Variants in SP5 observed in about 807,000 individuals in gnomAD.
SP5 encodes the protein Sp5 transcription factor.
Under a neutral mutation model 27.4 loss-of-function variants are expected in SP5, and 12 were observed. The ratio of observed to expected loss-of-function variants is 0.44; its 90% CI spans 0.28 to 0.71. The LOEUF (loss-of-function observed/expected upper bound fraction) is 0.71, where lower values mean the gene tolerates loss of function less well. Ranked by LOEUF, SP5 falls within the 30% of genes least tolerant of loss-of-function variation. The probability of loss-of-function intolerance (pLI) is 0.15; values close to 1 mark genes in which losing one functional copy is unlikely to be tolerated. For missense variants in SP5, 660 were observed against 589.8 expected (o/e 1.12, Z -1.23); for synonymous variants, 330 against 290.7 (o/e 1.14, Z -1.38).
At chr2:170,716,116 G>C in intron 1 of SP5, 143 bp from the exon 2 acceptor site, 1 of 1,409,466 alleles carries the variant, frequency 7.1e-7, no homozygotes, top group Non-Finnish European at 9.2e-7. Context: ...TGCGTGCGTG[G>C]GGTGCGGTGG....
chr2:170,715,712 C>T (rs1700047875), intron 1 of SP5, 149 bp downstream of exon 1: 10 of 1,417,466 alleles, frequency 7.1e-6, no homozygotes, highest in Non-Finnish European at 8.3e-6. Context: ...GCCAACTTCA[C>T]ACCTAATCCG....
chr2:170,716,526 GC>G lies in SP5; in HGVS notation c.320del (p.Ala107ValfsTer207). 1 of 1,611,150 alleles carries G rather than the reference GC, an allele frequency of 6.2e-7. No homozygotes were observed. The highest frequency in any genetic ancestry group is 8.5e-7 in the Non-Finnish European group (1 of 1,179,374). ...GACGCACCTGCAGCCGTCCTTCGGG[GC>G]TGCGCACGAGCTTCCCCTTACACCC... ...QKTHLQPSFG[A>X]AHELPLTPPA... On this transcript the variant is annotated frameshift_variant, in exon 2 of 2. Transcript: ENST00000375281. LOFTEE classifies it high-confidence loss of function.
At position 170,715,575 on chromosome 2, in the gene SP5, G is replaced by A. The variant is rs1008409068; in HGVS notation, c.51+12G>A. 1.9e-6 allele frequency: 3 copies of A among 1,552,922 alleles called. No homozygotes were observed. Among genetic ancestry groups the A allele is most frequent in the African/African-American group, 2.7e-5 (2 of 73,048 alleles). ...AGGCCTTTCTCCAGGTCAGGGCCGA[G>A]CCCGGAGGGGGCGGGAGAAAGGTGG... On this transcript the variant is annotated intron_variant, in intron 1 of 1. Coordinates refer to ENST00000375281, the MANE Select transcript of SP5 (RefSeq NM_001003845.3).
In SP5 at chr2:170,717,107, G is replaced by A. The variant is rs1184214178; in HGVS notation, c.900G>A (p.Val300=). 1.9e-6 allele frequency: 3 copies of A among 1,586,020 alleles called. No individual in the cohort carries two copies. Among genetic ancestry groups the A allele is most frequent in the African/African-American group, 2.7e-5 (2 of 74,480 alleles). ...PGKKKQHVCH[V]PGCGKVYGKT... The stretch of plus-strand genomic sequence containing the variant: ...AGAAGAAGCAGCACGTGTGCCACGT[G>A]CCGGGCTGCGGCAAGGTGTACGGGA... The change falls in exon 2 of 2, where the codon GTG becomes GTA. Residue 300 remains valine (V), a synonymous_variant. Transcript: ENST00000375281.
Position 170,717,482 on chromosome 2 carries a change from ACT to A in SP5, c.*80_*81del. On this transcript the variant is annotated 3_prime_UTR_variant, in exon 2 of 2. Transcript: ENST00000375281. ...CCTGTGGGCAGCTGGCGGAGGGGAG[ACT>A]CAGCAGACGGACCCTCTCCGTTGCC... The A allele has an allele frequency of 6.5e-7, 1 of 1,539,176 alleles. No homozygotes were observed. The highest frequency in any genetic ancestry group is 8.7e-7 in the Non-Finnish European group (1 of 1,143,798).
In SP5 at chr2:170,717,173, C is replaced by T. The variant is rs1270634076; in HGVS notation, c.966C>T (p.Gly322=). 6.2e-7 allele frequency: 1 copy of T among 1,607,100 alleles called. No homozygotes were observed. The highest frequency in any genetic ancestry group is 1.1e-5 in the South Asian group (1 of 90,220). ...AGGCGCACCTGCGCTGGCACACGGG[C>T]GAGCGACCCTTCGTGTGCAACTGGC... is the stretch of plus-strand genomic sequence containing the variant. ...HLKAHLRWHT[G]ERPFVCNWLF... The change falls in exon 2 of 2, where the codon GGC becomes GGT. Residue 322 remains glycine (G), a synonymous_variant. Coordinates refer to ENST00000375281, the MANE Select transcript of SP5 (RefSeq NM_001003845.3).
In SP5 at chr2:170,716,636, G is replaced by C; in HGVS notation, c.429G>C (p.Ala143=). 6.2e-7 allele frequency: 1 copy of C among 1,606,666 alleles called. No individual in the cohort carries two copies. The highest frequency in any genetic ancestry group is 8.5e-7 in the Non-Finnish European group (1 of 1,177,982). ...TGGCGGCTCTGCCCGCCAGCTGCGC[G>C]CCCGCCTACGTGCCCTACGCGGCGC... ...SSMAALPASC[A]PAYVPYAAQA... is the part of the protein sequence containing the mutation. Residue 143 remains alanine (A), a synonymous_variant, in exon 2 of 2, where the codon GCG becomes GCC. Coordinates refer to ENST00000375281, the MANE Select transcript of SP5 (RefSeq NM_001003845.3).
Position 170,716,646 on chromosome 2 carries a change from G to C in SP5, c.439G>C (p.Val147Leu), listed in dbSNP as rs1165303168. ...ALPASCAPAY[V>L]PYAAQAALPP... Reference sequence around the variant, plus strand: ...GCCCGCCAGCTGCGCGCCCGCCTACGTGCCCTACGCGGCGCAGGCCGCGCT... The same window carrying C: ...GCCCGCCAGCTGCGCGCCCGCCTACCTGCCCTACGCGGCGCAGGCCGCGCT... Residue 147 changes from valine (V) to leucine (L), a missense_variant, in exon 2 of 2, where the codon GTG becomes CTG. Coordinates refer to ENST00000375281, the MANE Select transcript of SP5 (RefSeq NM_001003845.3). 1 of 1,605,732 alleles carries C rather than the reference G, an allele frequency of 6.2e-7. No individual in the cohort carries two copies. Among genetic ancestry groups the C allele is most frequent in the Non-Finnish European group, 8.5e-7 (1 of 1,177,644 alleles).
chr2:170,716,468 C>A lies in SP5; in HGVS notation c.261C>A (p.Pro87=). The stretch of plus-strand genomic sequence containing the variant: ...CGCACTCGCCAGGCGCACTGCCGCC[C>A]CCGCATCCCAGCTTGGGGCTGACGC... ...MPAHSPGALP[P]PHPSLGLTPQ... The change falls in exon 2 of 2, where the codon CCC becomes CCA. Residue 87 remains proline, a synonymous_variant. Coordinates refer to ENST00000375281, the MANE Select transcript of SP5 (RefSeq NM_001003845.3). The A allele has an allele frequency of 1.2e-6, 2 of 1,607,932 alleles. No individual in the cohort carries two copies. Among genetic ancestry groups the A allele is most frequent in the South Asian group, 2.2e-5 (2 of 90,852 alleles).
At chr2:170,716,032 T>C (rs1234598202) in intron 1 of SP5, 45 of 1,382,558 alleles carry the variant, frequency 3.3e-5, no homozygotes, top group African/African-American at 6.1e-5. Context: ...GTGCACCAAG[T>C]AGTTTAGCAA....
At position 170,716,681 on chromosome 2, in the gene SP5, C is replaced by A. The variant is rs1455696920; in HGVS notation, c.474C>A (p.Gly158=). 1.9e-6 allele frequency: 3 copies of A among 1,573,398 alleles called. No homozygotes were observed. Among genetic ancestry groups the A allele is most frequent in the Non-Finnish European group, 1.7e-6 (2 of 1,166,830 alleles). ...PYAAQAALPP[G]YSNLLPPPPP... ...CGGCGCAGGCCGCGCTGCCGCCAGG[C>A]TACTCCAACCTGCTGCCTCCGCCGC... Residue 158 remains glycine (G), a synonymous_variant, in exon 2 of 2, where the codon GGC becomes GGA. Coordinates refer to ENST00000375281, the MANE Select transcript of SP5 (RefSeq NM_001003845.3).
intron 1 of SP5, chr2:170,715,870 C>T (rs934731525): frequency 1.4e-4 from 136 of 985,290 alleles, no homozygotes; most frequent in Non-Finnish European, 1.6e-4. Flanking sequence ...GCAGTGAGGA[C>T]AAGAGAGCTT....
In SP5 at chr2:170,717,372, G is replaced by A. The variant is rs1259636200; in HGVS notation, c.1165G>A (p.Gly389Arg). 1.9e-6 allele frequency: 3 copies of A among 1,611,092 alleles called. No individual in the cohort carries two copies. The highest frequency in any genetic ancestry group is 2.5e-6 in the Non-Finnish European group (3 of 1,179,988). Residue 389 changes from glycine (G) to arginine (R), a missense_variant, in exon 2 of 2, where the codon GGG becomes AGG. Gly to Arg is a moderately radical substitution (Grantham distance 125). Coordinates refer to ENST00000375281, the MANE Select transcript of SP5 (RefSeq NM_001003845.3). Reference sequence around the variant, plus strand: ...TAAGAAGCTCAAAGTCGCTGAGGCCGGGGTTAAGCGGGAGGACGCGCGGGA... The same window carrying A: ...TAAGAAGCTCAAAGTCGCTGAGGCCAGGGTTAAGCGGGAGGACGCGCGGGA... ...QNKKLKVAEA[G>R]VKREDARDL is the part of the protein sequence containing the mutation.
rs867846348 is a variant in SP5 at position 170,715,775 on chromosome 2, G to A, written c.51+212G>A. On this transcript the variant is annotated intron_variant, in intron 1 of 1. Transcript: ENST00000375281. ...GATCCGGGATTGTTCGGAGGTGCCC[G>A]GCTGGCCGAGAACAGGACCGGAGCT... 5.6e-5 allele frequency: 55 copies of A among 985,346 alleles called. No homozygotes were observed. The Middle Eastern group carries it at 1.5e-3, about 28-fold the overall frequency. 61.0% of individuals were successfully genotyped at this position (985,346 alleles called of 1,614,324 possible).
In SP5 at chr2:170,717,245, C is replaced by T; in HGVS notation, c.1038C>T (p.His346=). ...CGCGCTCGGACGAGCTGCAGCGGCA[C>T]CTGCGGACTCACACGGGCGAGAAGC... is the stretch of plus-strand genomic sequence containing the variant. ...SFTRSDELQR[H]LRTHTGEKRF... The change falls in exon 2 of 2, where the codon CAC becomes CAT. Residue 346 remains histidine, a synonymous_variant. Coordinates refer to ENST00000375281, the MANE Select transcript of SP5 (RefSeq NM_001003845.3). 6 of 1,610,008 alleles carry T rather than the reference C, an allele frequency of 3.7e-6. No homozygotes were observed. The highest frequency in any genetic ancestry group is 5.1e-6 in the Non-Finnish European group (6 of 1,179,498).
At chr2:170,715,881 A>G (rs1700053956) in intron 1 of SP5, 1 of 985,274 alleles carries the variant, frequency 1.0e-6, no homozygotes, top group Non-Finnish European at 1.2e-6. Flanking sequence ...AAGAGAGCTT[A>G]AAAGATGGGA....
rs1700061726 is a variant in SP5 at position 170,716,178 on chromosome 2, TG to T, written c.52-76del. On this transcript the variant is annotated intron_variant, in intron 1 of 1. Transcript: ENST00000375281. ...AGGGGCGGCGGTATAATAGCGGGCG[TG>T]GGGGCGGCGGGCTGGCCCGGAGTCC... is the stretch of plus-strand genomic sequence containing the variant. The T allele has an allele frequency of 1.4e-5, 21 of 1,491,278 alleles. No homozygotes were observed. In the South Asian group the frequency reaches 2.4e-4, roughly 17 times the overall value. 92.4% of individuals were successfully genotyped at this position (1,491,278 alleles called of 1,614,324 possible).
Position 170,716,639 on chromosome 2 carries a change from C to A in SP5, c.432C>A (p.Pro144=). The part of the protein sequence containing the change: ...SMAALPASCA[P]AYVPYAAQAA... ...CGGCTCTGCCCGCCAGCTGCGCGCC[C>A]GCCTACGTGCCCTACGCGGCGCAGG... The change falls in exon 2 of 2, where the codon CCC becomes CCA. Residue 144 remains proline (P), a synonymous_variant. Coordinates refer to ENST00000375281, the MANE Select transcript of SP5 (RefSeq NM_001003845.3). 6.2e-7 allele frequency: 1 copy of A among 1,606,876 alleles called. No homozygotes were observed. Among genetic ancestry groups the A allele is most frequent in the Non-Finnish European group, 8.5e-7 (1 of 1,177,896 alleles).
Position 170,716,897 on chromosome 2 carries a change from T to A in SP5, c.690T>A (p.Ala230=). The part of the protein sequence containing the change: ...PRFPASAAAA[A]AAAAALQRGL... ...TCCCCGCCTCTGCGGCCGCTGCTGC[T>A]GCGGCCGCCGCCGCCCTACAAAGAG... The change falls in exon 2 of 2, where the codon GCT becomes GCA. Residue 230 remains alanine (A), a synonymous_variant. Transcript: ENST00000375281. 1 of 1,524,430 alleles carries A rather than the reference T, an allele frequency of 6.6e-7. No individual in the cohort carries two copies. The highest frequency in any genetic ancestry group is 1.2e-5 in the South Asian group (1 of 81,372). The allele number at this position is 1,524,430 out of a possible 1,614,324, so 94.4% of individuals were successfully genotyped here. A position where few individuals can be genotyped will look rare whatever the true frequency, so the allele number is the denominator to read the frequency against.
Sources: gnomAD v4.1 joint callset for allele counts on GRCh38, gnomAD v4.1.1 for gene constraint, MANE v1.5 for transcripts, NCBI Gene and HGNC (gene_info 2026-07-23, HGNC 2026-07-21) for gene names.